PAX5: variants seen among roughly 807,000 people sequenced by gnomAD.
PAX5 encodes paired box protein Pax-5.
A neutral mutation model predicts 43.7 loss-of-function variants in PAX5; 9 were observed. That is an observed-to-expected ratio of 0.21 (90% CI 0.12 to 0.36). The LOEUF (loss-of-function observed/expected upper bound fraction) is 0.36, where lower values mean the gene tolerates loss of function less well. PAX5 is among the 10% of genes least tolerant of loss of function. The pLI is 1.00. For synonymous variants in PAX5, 228 were observed against 214.3 expected, an observed-to-expected ratio of 1.06 and a Z score of -0.56; for missense variants, 383 against 532.7, an observed-to-expected ratio of 0.72 and a Z score of 2.77.
Position 37,015,453 on chromosome 9 carries a change from G to A in PAX5, c.213-259C>T, listed in dbSNP as rs2987999. ...TATCTCAATAATTTTGATATTAGTTGTATGTTGAAATAACAATTTTTATAT... is the reference window on the plus strand; with the variant it reads ...TATCTCAATAATTTTGATATTAGTTATATGTTGAAATAACAATTTTTATAT... On this transcript the variant is annotated intron_variant, in intron 2 of 9. Coordinates refer to ENST00000358127, the MANE Select transcript of PAX5 (RefSeq NM_016734.3). This position sits in a 1 kb window ranked among gnomAD's most constrained non-coding sequence, Gnocchi z 4.4. Among the ~76,000 whole-genome samples the A allele has an allele frequency of 0.99, 150,784 of 152,360 alleles. 74,635 individuals are homozygous for A. The highest frequency in any genetic ancestry group is 1 in the East Asian group (5,194 of 5,194).
chr9:36,923,952 G>A (rs1830388849), intron 6 of PAX5, among the ~76,000 whole-genome samples: 1 of 152,230 alleles, frequency 6.6e-6, no homozygotes, highest in Non-Finnish European at 1.5e-5. Flanking sequence ...GAATCTGGGA[G>A]ATCATCCATT....
At chr9:36,905,519 C>A (rs540985455) in intron 7 of PAX5, among the ~76,000 whole-genome samples, 11 of 152,310 alleles carry the variant, frequency 7.2e-5, no homozygotes, top group Admixed American at 5.9e-4. Flanking sequence ...CAGACTGCCG[C>A]CACCTCTGGG....
intron 8 of PAX5, among the ~76,000 whole-genome samples, chr9:36,863,523 A>G (rs910397694): frequency 6.6e-6 from 1 of 152,250 alleles, no homozygotes; most frequent in African/African-American, 2.4e-5. Flanking sequence ...TCACCAATGC[A>G]GAAGCCGAGG....
chr9:36,909,814 ATTTTTTTTTTT>A (rs752114508), intron 7 of PAX5, among the ~76,000 whole-genome samples: 1 of 91,872 alleles, frequency 1.1e-5, no homozygotes, highest in Non-Finnish European at 1.9e-5. Context: ...AGACATTTTA[ATTTTTTTTTTT>A]TTTTTTTTTT....
intron 7 of PAX5, among the ~76,000 whole-genome samples, chr9:36,915,571 T>C (rs1829669326): frequency 6.6e-6 from 1 of 152,234 alleles, no homozygotes; most frequent in African/African-American, 2.4e-5. Flanking sequence ...TTTTTACTTA[T>C]TCATTTTTAA....
rs139677884 is a variant in PAX5, at chr9:37,026,488, G to C, written c.47-5687C>G. On this transcript the variant is annotated intron_variant, in intron 1 of 9. Transcript: ENST00000358127. ...ACCCACGGTCCGGCACCCCCAACCC[G>C]GTCCCGGCGGGAGAGTGAGAGAAGC... The C allele has an allele frequency of 3.8e-6, 5 of 1,311,252 alleles. No individual in the cohort carries two copies. The South Asian group carries it at 4.9e-5, about 13-fold the overall frequency. 81.2% of individuals were successfully genotyped at this position (1,311,252 alleles called of 1,614,324 possible).
At chr9:36,938,457 A>G (rs1831748665) in intron 6 of PAX5, among the ~76,000 whole-genome samples, 1 of 152,146 alleles carries the variant, frequency 6.6e-6, no homozygotes, top group Admixed American at 6.5e-5. Flanking sequence ...CCACAAATCA[A>G]AGCTCAAATA....
At chr9:36,880,449 G>A (rs1432954681) in intron 8 of PAX5, among the ~76,000 whole-genome samples, 4 of 152,272 alleles carry the variant, frequency 2.6e-5, no homozygotes, top group Non-Finnish European at 5.9e-5. Flanking sequence ...GGTTATGTCC[G>A]TTTGGCCCTG....
chr9:36,950,262 A>G (rs1476930037), intron 6 of PAX5, among the ~76,000 whole-genome samples: 1 of 152,238 alleles, frequency 6.6e-6, no homozygotes, highest in Non-Finnish European at 1.5e-5. Context: ...CCTTCTTAAA[A>G]GCATTGACAC....
intron 8 of PAX5, among the ~76,000 whole-genome samples, chr9:36,866,894 C>T (rs1164122305): frequency 6.6e-6 from 1 of 151,722 alleles, no homozygotes; most frequent in East Asian, 1.9e-4. Flanking sequence ...CACACAGGCA[C>T]AGCCCAATCT....
intron 9 of PAX5, among the ~76,000 whole-genome samples, chr9:36,845,526 A>G (rs12353325): frequency 0.032 from 4,798 of 152,306 alleles, 269 homozygotes; most frequent in African/African-American, 0.11. Context: ...AGATAATAAG[A>G]AGCTAGGAGT....
chr9:36,970,145 C>T (rs1834815015), intron 5 of PAX5, among the ~76,000 whole-genome samples: 1 of 152,170 alleles, frequency 6.6e-6, no homozygotes, highest in Admixed American at 6.5e-5. Flanking sequence ...ACAACGGTGA[C>T]TGATGCTAGG....
intron 8 of PAX5, among the ~76,000 whole-genome samples, chr9:36,862,073 C>A (rs1383763719): frequency 1.3e-5 from 2 of 152,126 alleles, no homozygotes; most frequent in Non-Finnish European, 2.9e-5. Flanking sequence ...GGAGCGGGGC[C>A]AGGTGTGTGG....
chr9:37,004,272 C>T (rs993668616), intron 4 of PAX5, among the ~76,000 whole-genome samples: 1 of 152,216 alleles, frequency 6.6e-6, no homozygotes, highest in Non-Finnish European at 1.5e-5. Context: ...GCCCCAGATT[C>T]CTAGGGAGAG....
intron 5 of PAX5, among the ~76,000 whole-genome samples, chr9:36,982,867 G>T (rs1836059355): frequency 6.6e-6 from 1 of 151,882 alleles, no homozygotes; most frequent in South Asian, 2.1e-4. Flanking sequence ...CCAAAAGAAA[G>T]ATACCCTAGA....
At chr9:36,861,341 G>T (rs555983649) in intron 8 of PAX5, 1 of 151,234 alleles carries the variant, frequency 6.6e-6, no homozygotes, top group African/African-American at 2.4e-5. Context: ...AGGTCCTGAG[G>T]ATATAGCCCT....
intron 1 of PAX5, among the ~76,000 whole-genome samples, chr9:37,033,409 T>A (rs1453462056): frequency 6.6e-6 from 1 of 152,226 alleles, no homozygotes; most frequent in African/African-American, 2.4e-5. Context: ...GTGTAGCCAC[T>A]TCTTTCTCAC....
intron 5 of PAX5, among the ~76,000 whole-genome samples, chr9:36,976,923 C>T (rs1835483734): frequency 6.6e-6 from 1 of 152,160 alleles, no homozygotes; most frequent in African/African-American, 2.4e-5. Context: ...GACATGAGGC[C>T]TCTGACTCCT....
At chr9:36,863,653 T>C (rs1011594131) in intron 8 of PAX5, among the ~76,000 whole-genome samples, 2 of 152,316 alleles carry the variant, frequency 1.3e-5, no homozygotes, top group African/African-American at 2.4e-5. Flanking sequence ...CCTACTAGGC[T>C]CTATCTTGGT....
Sources: gnomAD v4.1 joint callset for allele counts (sites outside exome capture counted in the v4.1 genomes callset) on GRCh38, gnomAD v4.1.1 for gene constraint, Gnocchi (gnomAD v3.1) non-coding constraint, MANE v1.5 for transcripts, NCBI Gene and HGNC (gene_info 2026-07-23, HGNC 2026-07-21) for gene names.